TUT1: variants seen among roughly 807,000 people sequenced by gnomAD.
TUT1 encodes terminal uridylyl transferase 1, U6 snRNA-specific, also known as speckle targeted PIP5K1A-regulated poly(A) polymerase.
Under a neutral mutation model 48.8 loss-of-function variants are expected in TUT1, and 26 were observed. That is an observed-to-expected ratio of 0.53 (90% CI 0.39 to 0.74). The LOEUF is 0.74. Among genes scored for constraint, TUT1 ranks in the 30% least tolerant of loss-of-function variants. The probability of loss-of-function intolerance (pLI) is 0.00; values close to 1 mark genes in which losing one functional copy is unlikely to be tolerated. For synonymous variants in TUT1, 470 were observed against 460.8 expected (o/e 1.02, Z -0.26); for missense variants, 1,065 against 1,114.8 (o/e 0.96, Z 0.64).
chr11:62,585,470 T>A (rs1188797662), intron 2 of TUT1, among the ~76,000 whole-genome samples: 1 of 152,220 alleles, frequency 6.6e-6, no homozygotes, highest in African/African-American at 2.4e-5. Context: ...TCACTGGGCC[T>A]GTCTGTGCTC....
chr11:62,581,336 G>A (rs751823840), intron 3 of TUT1, 50 bp downstream of exon 3: 1 of 1,568,802 alleles, frequency 6.4e-7, no homozygotes, highest in Admixed American at 1.8e-5. Context: ...TACAGACACA[G>A]GAGAGCAAAG....
intron 2 of TUT1, among the ~76,000 whole-genome samples, chr11:62,585,548 T>A (rs185538988): frequency 9.2e-5 from 14 of 152,316 alleles, no homozygotes; most frequent in Non-Finnish European, 1.5e-4. Context: ...GAAGACTGTG[T>A]CAGCTGGGCG....
intron 2 of TUT1, among the ~76,000 whole-genome samples, chr11:62,584,992 T>C (rs1941886822): frequency 6.6e-6 from 1 of 151,582 alleles, no homozygotes; most frequent in Admixed American, 6.6e-5. Flanking sequence ...CAGCTAATTT[T>C]TTTGTATTTT....
chr11:62,576,142 A>C lies in TUT1; in HGVS notation c.1577T>G (p.Leu526Arg). Residue 526 changes from leucine (L) to arginine (R), a missense_variant, in exon 9 of 9, where the codon CTG becomes CGG. Transcript: ENST00000476907. Reference sequence around the variant, plus strand: ...CAGACCCTCCCAGAGATTAGAAGGCAGGCCCCCTGCCACAGGCAGTGCCTG... The same window carrying C: ...CAGACCCTCCCAGAGATTAGAAGGCCGGCCCCCTGCCACAGGCAGTGCCTG... Reference protein sequence around the residue: ...EGQALPVAGGLPSNLWEGLRL... With the variant: ...EGQALPVAGGRPSNLWEGLRL... 1 of 1,613,604 alleles carries C rather than the reference A, an allele frequency of 6.2e-7. No individual in the cohort carries two copies.
chr11:62,576,669 C>T lies in TUT1; in HGVS notation c.1462G>A (p.Val488Met). ...DASRLEPSIN[V>M]EPLSSLLAQF... ...TCCCCAAACTCACTGAGGGGCTCCA[C>T]ATTTATGCTGGGCTCCAGTCTTGAG... Residue 488 changes from valine (V) to methionine (M), a missense_variant, in exon 8 of 9, where the codon GTG (valine) becomes ATG (methionine). Coordinates refer to ENST00000476907, the MANE Select transcript of TUT1 (RefSeq NM_022830.3). The T allele has an allele frequency of 6.2e-7, 1 of 1,614,200 alleles. No homozygotes were observed. The highest frequency in any genetic ancestry group is 1.1e-5 in the South Asian group (1 of 91,092).
At position 62,577,280 on chromosome 11, in the gene TUT1, T is replaced by G; in HGVS notation, c.1172A>C (p.His391Pro). 1 of 1,612,808 alleles carries G rather than the reference T, an allele frequency of 6.2e-7. No homozygotes were observed. The highest frequency in any genetic ancestry group is 1.7e-5 in the Admixed American group (1 of 59,462). Residue 391 changes from histidine to proline, a missense_variant, in exon 6 of 9, where the codon CAT (histidine) becomes CCT (proline). Coordinates refer to ENST00000476907, the MANE Select transcript of TUT1 (RefSeq NM_022830.3). ...DVSLSNRLAL[H>P]NSRFLSLCSE... Reference sequence around the variant, plus strand: ...GCAGAGACTCAGGAAACGGGAGTTATGCAGGGCCAGCCTGGGACAAAGCAG... The same window carrying G: ...GCAGAGACTCAGGAAACGGGAGTTAGGCAGGGCCAGCCTGGGACAAAGCAG...
chr11:62,581,480 C>CT lies in TUT1; in HGVS notation c.494dup (p.Leu166AlafsTer44). 6.2e-7 allele frequency: 1 copy of CT among 1,614,212 alleles called. No individual in the cohort carries two copies. Among genetic ancestry groups the CT allele is most frequent in the Non-Finnish European group, 8.5e-7 (1 of 1,180,038 alleles). On this transcript the variant is annotated frameshift_variant, in exon 3 of 9. Transcript: ENST00000476907. LOFTEE classifies it high-confidence loss of function. ...CGGACAACTCCCTCAGCCCCACAAGCTTTATCATTTGTGCCCCCACGTCTG... is the reference window on the plus strand; with the variant it reads ...CGGACAACTCCCTCAGCCCCACAAGCTTTTATCATTTGTGCCCCCACGTCTG...
intron 2 of TUT1, among the ~76,000 whole-genome samples, chr11:62,582,919 G>T (rs1358584271): frequency 2.0e-5 from 3 of 152,034 alleles, no homozygotes; most frequent in African/African-American, 4.8e-5. Context: ...ACGAGGTCAG[G>T]AGATAGAGAC....
intron 4 of TUT1, among the ~76,000 whole-genome samples, chr11:62,580,540 T>G (rs1941807556): frequency 6.6e-6 from 1 of 151,054 alleles, no homozygotes; most frequent in Admixed American, 6.6e-5. Context: ...AATAAGATCA[T>G]ATTGCACACA....
At position 62,577,294 on chromosome 11, in the gene TUT1, G is replaced by A; in HGVS notation, c.1161-3C>T. The stretch of plus-strand genomic sequence containing the variant: ...AACGGGAGTTATGCAGGGCCAGCCT[G>A]GGACAAAGCAGGGACAAGGGTGTTA... On this transcript the variant is annotated splice_region_variant and splice_polypyrimidine_tract_variant and intron_variant, in intron 5 of 8. Coordinates refer to ENST00000476907, the MANE Select transcript of TUT1 (RefSeq NM_022830.3). 6.2e-7 allele frequency: 1 copy of A among 1,611,094 alleles called. No homozygotes were observed.
In TUT1 at chr11:62,576,201, A is replaced by T; in HGVS notation, c.1518T>A (p.Asp506Glu). Reference protein sequence around the residue: ...AQFFSCVSCWDLRGSLLSLRE... With the variant: ...AQFFSCVSCWELRGSLLSLRE... The stretch of plus-strand genomic sequence containing the variant: ...GCAGGGACAGCAGGGAGCCACGAAG[A>T]TCCCAACAAGATACACAGGAGAAGA... Residue 506 changes from aspartate to glutamate, a missense_variant, in exon 9 of 9, where the codon GAT (aspartate) becomes GAA (glutamate). Coordinates refer to ENST00000476907, the MANE Select transcript of TUT1 (RefSeq NM_022830.3). The T allele has an allele frequency of 6.2e-7, 1 of 1,607,592 alleles. No individual in the cohort carries two copies. Among genetic ancestry groups the T allele is most frequent in the Non-Finnish European group, 8.5e-7 (1 of 1,177,074 alleles).
chr11:62,579,663 ATTT>A (rs35468652), intron 4 of TUT1, among the ~76,000 whole-genome samples: 3 of 128,232 alleles, frequency 2.3e-5, no homozygotes, highest in Non-Finnish European at 3.4e-5. Flanking sequence ...AATAAAGTCC[ATTT>A]TTTTTTTTTT....
chr11:62,587,556 A>C (rs1488139424), intron 2 of TUT1, among the ~76,000 whole-genome samples: 2 of 152,216 alleles, frequency 1.3e-5, no homozygotes, highest in African/African-American at 4.8e-5. Flanking sequence ...CAGTATCGTA[A>C]CTATGAAGAG....
At position 62,581,567 on chromosome 11, in the gene TUT1, G is replaced by A; in HGVS notation, c.408C>T (p.Ser136=). The A allele has an allele frequency of 1.2e-6, 2 of 1,612,172 alleles. No individual in the cohort carries two copies. The highest frequency in any genetic ancestry group is 1.7e-6 in the Non-Finnish European group (2 of 1,179,002). ...CGGGGGCCGCTCCTTTGGGGGATTT[G>A]GAGGCCGGGCTCTGGAACTCCTTCT... ...REQKEFQSPA[S]KSPKGAAPDS... Residue 136 remains serine, a synonymous_variant, in exon 3 of 9, where the codon TCC becomes TCT. Coordinates refer to ENST00000476907, the MANE Select transcript of TUT1 (RefSeq NM_022830.3).
At chr11:62,589,263 T>C (rs1268990991) in intron 1 of TUT1, 42 bp from the exon 2 acceptor site, 1 of 1,590,774 alleles carries the variant, frequency 6.3e-7, no homozygotes, top group Non-Finnish European at 8.6e-7. Flanking sequence ...AAAGCACTCT[T>C]CGACGTGTCT....
chr11:62,584,229 G>T (rs1357144126), intron 2 of TUT1, among the ~76,000 whole-genome samples: 2 of 149,418 alleles, frequency 1.3e-5, no homozygotes, highest in Non-Finnish European at 3.0e-5. Context: ...CGGGGTTCAA[G>T]CAATTATCCT....
At chr11:62,581,806 A>C in intron 2 of TUT1, 105 bp from the exon 3 acceptor site, 1 of 1,038,920 alleles carries the variant, frequency 9.6e-7, no homozygotes, top group East Asian at 3.2e-5. Flanking sequence ...CCATAAATTG[A>C]GAATATTTGC....
Position 62,591,505 on chromosome 11 carries a change from C to T in TUT1, c.-20G>A. Reference sequence around the variant, plus strand: ...CGCCATAGCGACTCTCCTGTACCGACAAAAACACAAGCACCTCTGCCACCA... The same window carrying T: ...CGCCATAGCGACTCTCCTGTACCGATAAAAACACAAGCACCTCTGCCACCA... On this transcript the variant is annotated 5_prime_UTR_variant, in exon 1 of 9. Transcript: ENST00000476907. 6.2e-7 allele frequency: 1 copy of T among 1,614,042 alleles called. No individual in the cohort carries two copies. The highest frequency in any genetic ancestry group is 1.1e-5 in the South Asian group (1 of 91,018).
intron 2 of TUT1, among the ~76,000 whole-genome samples, chr11:62,583,913 C>T (rs1222305098): frequency 6.6e-6 from 1 of 152,144 alleles, no homozygotes; most frequent in Non-Finnish European, 1.5e-5. Flanking sequence ...ACTGGATAGC[C>T]ACATGCAAAA....
Sources: gnomAD v4.1 joint callset for allele counts (sites outside exome capture counted in the v4.1 genomes callset) on GRCh38, gnomAD v4.1.1 for gene constraint, MANE v1.5 for transcripts, NCBI Gene and HGNC (gene_info 2026-07-23, HGNC 2026-07-21) for gene names.